The following ZNG1F variants were observed in gnomAD, a reference collection of about 807,000 sequenced individuals.
ZNG1F encodes the protein Zn regulated GTPase metalloprotein activator 1F.
At chr9:41,155,301 T>C in the ZNG1F span, among the ~76,000 whole-genome samples, 3 of 150,300 alleles carry the variant, frequency 2.0e-5, 1 homozygote, top group Non-Finnish European at 4.4e-5. Context: ...AAAACCACAA[T>C]GAGATACTAT....
the ZNG1F span, among the ~76,000 whole-genome samples, chr9:41,155,231 G>A: frequency 6.6e-6 from 1 of 151,062 alleles, no homozygotes; most frequent in Admixed American, 6.7e-5. Flanking sequence ...AGACATTTAT[G>A]CCACCAAAAA....
chr9:41,183,612 T>C, the ZNG1F span: 2 of 1,602,388 alleles, frequency 1.2e-6, no homozygotes, highest in Admixed American at 1.7e-5. Context: ...CCACTCTTCA[T>C]AGAGCTCTCC....
At chr9:41,140,882 T>C in the ZNG1F span, among the ~76,000 whole-genome samples, 1 of 149,860 alleles carries the variant, frequency 6.7e-6, no homozygotes, top group East Asian at 2.0e-4. Context: ...CATGCCACCA[T>C]GCCTGGCTAA....
At chr9:41,141,129 T>TA in the ZNG1F span, among the ~76,000 whole-genome samples, 2 of 151,300 alleles carry the variant, frequency 1.3e-5, no homozygotes, top group African/African-American at 4.9e-5. Context: ...AAAAAGGCTT[T>TA]AAAAATTAAA....
chr9:41,139,538 C>T, the ZNG1F span, among the ~76,000 whole-genome samples: 5 of 149,108 alleles, frequency 3.4e-5, no homozygotes, highest in Non-Finnish European at 7.4e-5. Context: ...CTCTAGAACG[C>T]CCAAAAACAT....
chr9:41,200,845 C>A, the ZNG1F span, among the ~76,000 whole-genome samples: 1 of 151,868 alleles, frequency 6.6e-6, no homozygotes, highest in Non-Finnish European at 1.5e-5. Flanking sequence ...TCTTGTGAGA[C>A]TTTTTCACTA....
the ZNG1F span, among the ~76,000 whole-genome samples, chr9:41,204,828 C>T: frequency 1.2e-5 from 1 of 84,432 alleles, no homozygotes. Context: ...ATAGTATCCT[C>T]TGATTCTTTT....
the ZNG1F span, among the ~76,000 whole-genome samples, chr9:41,137,144 C>T: frequency 7.2e-6 from 1 of 139,460 alleles, no homozygotes; most frequent in South Asian, 2.4e-4. Context: ...TTAGCACCAC[C>T]TTTGCTGTAT....
chr9:41,176,101 AT>A, the ZNG1F span, among the ~76,000 whole-genome samples: 1 of 64,986 alleles, frequency 1.5e-5, no homozygotes, highest in Admixed American at 2.2e-4. Context: ...AAAACAAAAA[AT>A]AAAAATAAAA....
the ZNG1F span, among the ~76,000 whole-genome samples, chr9:41,139,509 G>A: frequency 6.7e-6 from 1 of 148,994 alleles, no homozygotes; most frequent in Non-Finnish European, 1.5e-5. Flanking sequence ...GTATGGAAAG[G>A]AACAGGTGAT....
At chr9:41,192,896 AC>A in the ZNG1F span, among the ~76,000 whole-genome samples, 1 of 150,926 alleles carries the variant, frequency 6.6e-6, no homozygotes, top group Non-Finnish European at 1.5e-5. Flanking sequence ...TTCTGATGTA[AC>A]TTAAAAATTC....
At chr9:41,173,725 A>T in the ZNG1F span, among the ~76,000 whole-genome samples, 6 of 38,062 alleles carry the variant, frequency 1.6e-4, no homozygotes, top group South Asian at 5.2e-3. Flanking sequence ...CCTACAAAGC[A>T]TTTTTTTTTT....
chr9:41,148,931 TG>T, the ZNG1F span, among the ~76,000 whole-genome samples: 2 of 85,130 alleles, frequency 2.3e-5, no homozygotes, highest in African/African-American at 5.2e-5. Context: ...TTTATAAGGC[TG>T]GGTGTGGTGG....
At chr9:41,144,326 G>T in the ZNG1F span, among the ~76,000 whole-genome samples, 1 of 51,014 alleles carries the variant, frequency 2.0e-5, no homozygotes, top group Non-Finnish European at 4.9e-5. Context: ...TCTTTACCCA[G>T]AAGCTCAAAT....
the ZNG1F span, among the ~76,000 whole-genome samples, chr9:41,135,014 C>T: frequency 8.0e-6 from 1 of 125,292 alleles, no homozygotes; most frequent in Admixed American, 9.0e-5. Flanking sequence ...CTCCCTGAGT[C>T]CCCAAAGTTT....
At chr9:41,183,589 T>G in the ZNG1F span, 5 of 1,598,850 alleles carry the variant, frequency 3.1e-6, no homozygotes, top group Non-Finnish European at 4.3e-6. Flanking sequence ...AGGCAACCGT[T>G]TCTAAGTTCC....
At chr9:41,138,219 G>GT in the ZNG1F span, among the ~76,000 whole-genome samples, 1 of 120,528 alleles carries the variant, frequency 8.3e-6, no homozygotes, top group African/African-American at 3.4e-5. Context: ...TGAAAAAGCT[G>GT]TATCTTGCCT....
chr9:41,201,379 A>C, the ZNG1F span, among the ~76,000 whole-genome samples: 1 of 130,176 alleles, frequency 7.7e-6, no homozygotes. Flanking sequence ...TGACAGAGAC[A>C]ATGGGGGAAG....
the ZNG1F span, among the ~76,000 whole-genome samples, chr9:41,146,314 T>C: frequency 7.1e-5 from 3 of 42,186 alleles, no homozygotes; most frequent in Admixed American, 1.1e-3. Flanking sequence ...GAGATTACTT[T>C]AGAAAAACAT....
Sources: allele counts gnomAD v4.1 joint callset (sites outside exome capture counted in the v4.1 genomes callset), GRCh38; gene constraint gnomAD v4.1.1; transcripts MANE v1.5; gene names NCBI Gene and HGNC (gene_info 2026-07-23, HGNC 2026-07-21).